GRID2: variants seen among roughly 807,000 people sequenced by gnomAD.
The protein encoded by GRID2 is glutamate ionotropic receptor delta type subunit 2.
GRID2 carries 33 observed loss-of-function variants against 114.8 expected under a neutral mutation model. The ratio of observed to expected loss-of-function variants is 0.29; its 90% CI spans 0.22 to 0.38. The LOEUF is 0.38. Ranked by LOEUF, GRID2 falls within the 10% of genes least tolerant of loss-of-function variation. GRID2 has a pLI of 1.00. For synonymous variants in GRID2, 505 were observed against 449.9 expected, an observed-to-expected ratio of 1.12 and a Z score of -1.55; for missense variants, 1,184 against 1,257.7, an observed-to-expected ratio of 0.94 and a Z score of 0.89.
intron 14 of GRID2, among the ~76,000 whole-genome samples, chr4:93,708,476 A>G (rs1477208724): frequency 3.9e-5 from 6 of 152,020 alleles, no homozygotes. Flanking sequence ...TCTGATAAAA[A>G]TATAGCTACT....
intron 2 of GRID2, among the ~76,000 whole-genome samples, chr4:92,750,090 A>T (rs1737372107): frequency 6.6e-6 from 1 of 151,952 alleles, no homozygotes; most frequent in Admixed American, 6.6e-5. Flanking sequence ...TGAACTCCCG[A>T]CCTTAGCTGA....
chr4:92,569,179 G>A (rs570273387), intron 1 of GRID2, among the ~76,000 whole-genome samples: 8 of 151,966 alleles, frequency 5.3e-5, no homozygotes, highest in African/African-American at 1.9e-4. Flanking sequence ...GTGTCCATGT[G>A]TTCTTATCAT....
intron 1 of GRID2, among the ~76,000 whole-genome samples, chr4:93,787,572 T>A (rs1578795318): frequency 6.6e-6 from 1 of 152,304 alleles, no homozygotes; most frequent in South Asian, 2.1e-4. Context: ...TTATCTTTCA[T>A]AGCACAGGAC....
At chr4:93,549,855 C>T (rs1733595733) in intron 13 of GRID2, among the ~76,000 whole-genome samples, 2 of 152,108 alleles carry the variant, frequency 1.3e-5, no homozygotes, top group African/African-American at 4.8e-5. Flanking sequence ...CATAATAATA[C>T]AATGTGGTAG....
At chr4:93,096,025 T>C (rs1389405731) in intron 3 of GRID2, among the ~76,000 whole-genome samples, 2 of 151,946 alleles carry the variant, frequency 1.3e-5, no homozygotes, top group African/African-American at 2.4e-5. Context: ...GATTGACAAA[T>C]AGATTCATGG....
chr4:92,607,204 T>G (rs1367156472), intron 2 of GRID2, among the ~76,000 whole-genome samples: 1 of 152,028 alleles, frequency 6.6e-6, no homozygotes, highest in Non-Finnish European at 1.5e-5. Flanking sequence ...AATGGAACAC[T>G]AGGCATAAGT....
intron 2 of GRID2, among the ~76,000 whole-genome samples, chr4:92,753,821 C>T (rs1737575439): frequency 6.6e-6 from 1 of 151,940 alleles, no homozygotes; most frequent in African/African-American, 2.4e-5. Flanking sequence ...TGTGTGAAAA[C>T]CAAAATATGT....
chr4:92,466,046 A>G (rs956364030), intron 1 of GRID2, among the ~76,000 whole-genome samples: 3 of 151,696 alleles, frequency 2.0e-5, no homozygotes, highest in African/African-American at 4.8e-5. Flanking sequence ...GGTACATACC[A>G]ATGTTTATAT....
intron 8 of GRID2, among the ~76,000 whole-genome samples, chr4:93,363,578 C>G (rs1001149069): frequency 2.0e-5 from 3 of 151,920 alleles, no homozygotes; most frequent in African/African-American, 7.2e-5. Flanking sequence ...TGTGTGAGTG[C>G]TTGCATGCTT....
At chr4:93,506,295 T>TTCAG (rs1267542141) in intron 12 of GRID2, among the ~76,000 whole-genome samples, 1 of 152,136 alleles carries the variant, frequency 6.6e-6, no homozygotes, top group East Asian at 1.9e-4. Flanking sequence ...CAGGGTAGAC[T>TTCAG]TCAGGGTCAT....
intron 1 of GRID2, among the ~76,000 whole-genome samples, chr4:92,558,308 A>G (rs1171615767): frequency 6.6e-6 from 1 of 152,154 alleles, no homozygotes; most frequent in Non-Finnish European, 1.5e-5. Context: ...TGAAAAGGCT[A>G]TTTTTTGAAA....
intron 2 of GRID2, among the ~76,000 whole-genome samples, chr4:93,002,497 G>A (rs1160059868): frequency 1.3e-5 from 2 of 151,100 alleles, no homozygotes; most frequent in South Asian, 2.1e-4. Context: ...ATATTTACAG[G>A]TCTAAACCTT....
intron 2 of GRID2, among the ~76,000 whole-genome samples, chr4:92,996,782 T>C (rs561601406): frequency 4.1e-4 from 63 of 152,292 alleles, no homozygotes; most frequent in Non-Finnish European, 7.1e-4. Context: ...GCCTAATGTC[T>C]TGTAGCAAAT....
At chr4:93,705,048 T>C (rs1727870453) in intron 14 of GRID2, among the ~76,000 whole-genome samples, 1 of 152,218 alleles carries the variant, frequency 6.6e-6, no homozygotes, top group South Asian at 2.1e-4. Flanking sequence ...ATAATGGCTT[T>C]ACTAATTTAC....
intron 2 of GRID2, among the ~76,000 whole-genome samples, chr4:92,964,306 G>T (rs897978555): frequency 6.6e-6 from 1 of 151,890 alleles, no homozygotes; most frequent in Non-Finnish European, 1.5e-5. Context: ...CCAATATAAG[G>T]CTGCTTTATC....
rs1476103733 is a variant in GRID2, at chr4:93,210,176, T to G, written c.789+2719T>G. Among the ~76,000 whole-genome samples the G allele has an allele frequency of 4.6e-5, 7 of 151,356 alleles. No homozygotes were observed. The South Asian group carries it at 1.2e-3, about 27-fold the overall frequency. ...TCTTTGTCATGAAATATTTGCCCATTTATATGTCTAGGTTGTTTTCCAGGG... is the reference window on the plus strand; with the variant it reads ...TCTTTGTCATGAAATATTTGCCCATGTATATGTCTAGGTTGTTTTCCAGGG... On this transcript the variant is annotated intron_variant, in intron 5 of 15. Transcript: ENST00000282020.
chr4:93,237,582 A>G (rs1032761065), intron 7 of GRID2, among the ~76,000 whole-genome samples: 11 of 151,926 alleles, frequency 7.2e-5, no homozygotes, highest in African/African-American at 2.7e-4. Context: ...TAAGTTAGAC[A>G]TATTTTAGCA....
chr4:92,520,764 G>A (rs1394731651), intron 1 of GRID2, among the ~76,000 whole-genome samples: 1 of 151,960 alleles, frequency 6.6e-6, no homozygotes, highest in African/African-American at 2.4e-5. Context: ...GGAGCTCAAA[G>A]TGGCCAGGTG....
At chr4:93,681,005 T>C (rs955183161) in intron 14 of GRID2, among the ~76,000 whole-genome samples, 18 of 151,376 alleles carry the variant, frequency 1.2e-4, no homozygotes, top group Non-Finnish European at 2.4e-4. Flanking sequence ...TGTTTGCAGA[T>C]GACATGATTG....
Sources: allele counts gnomAD v4.1 joint callset (sites outside exome capture counted in the v4.1 genomes callset), GRCh38; gene constraint gnomAD v4.1.1; transcripts MANE v1.5; gene names NCBI Gene and HGNC (gene_info 2026-07-23, HGNC 2026-07-21).